The following SFMBT2 variants were observed in gnomAD, a reference collection of about 807,000 sequenced individuals.
SFMBT2 encodes scm-like with four MBT domains protein 2.
A neutral mutation model predicts 110.1 loss-of-function variants in SFMBT2; 38 were observed. The observed-to-expected ratio is 0.35, with a 90% confidence interval of 0.27 to 0.45. The LOEUF (loss-of-function observed/expected upper bound fraction) is 0.45, where lower values mean the gene tolerates loss of function less well. SFMBT2 is among the 20% of genes least tolerant of loss of function. The pLI is 1.00. For synonymous variants in SFMBT2, 425 were observed against 425.4 expected, an observed-to-expected ratio of 1.00 and a Z score of 0.01; for missense variants, 1,011 against 1,094.9, an observed-to-expected ratio of 0.92 and a Z score of 1.08.
chr10:7,253,358 G>A (rs941307892), intron 7 of SFMBT2, among the ~76,000 whole-genome samples: 1 of 152,172 alleles, frequency 6.6e-6, no homozygotes, highest in Non-Finnish European at 1.5e-5. Flanking sequence ...TCAAAGTGGA[G>A]GCATCTTATG....
rs1837849424 is a variant in SFMBT2 at position 7,170,721 on chromosome 10, G to A, written c.2544+207C>T. Among the ~76,000 whole-genome samples the A allele has an allele frequency of 6.6e-6, 1 of 152,156 alleles. No homozygotes were observed. Among genetic ancestry groups the A allele is most frequent in the African/African-American group, 2.4e-5 (1 of 41,454 alleles). On this transcript the variant is annotated intron_variant, in intron 20 of 20. Transcript: ENST00000397167. The surrounding 1 kb of genome is among the most constrained non-coding windows in gnomAD (Gnocchi z 4.6). ...CCCCACCATGGCACTGGTGGGGCCT[G>A]AGAGGAGCAGGAATGAGGCTCTGTC...
In SFMBT2 at chr10:7,408,384, C is replaced by G. The variant is rs907277577; in HGVS notation, c.-52+2477G>C. Among the ~76,000 whole-genome samples, 2 of 152,272 alleles carry G rather than the reference C, an allele frequency of 1.3e-5. No individual in the cohort carries two copies. Among genetic ancestry groups the G allele is most frequent in the African/African-American group, 4.8e-5 (2 of 41,472 alleles). The stretch of plus-strand genomic sequence containing the variant: ...GCTCCCGGCCCCCACCCACTGACAG[C>G]ACGGCGTCCGAGTGACCCTGTCTAG... On this transcript the variant is annotated intron_variant, in intron 1 of 20. Coordinates refer to ENST00000397167, the MANE Select transcript of SFMBT2 (RefSeq NM_001387889.1). The surrounding 1 kb of genome is among the most constrained non-coding windows in gnomAD (Gnocchi z 5.7).
At chr10:7,392,948 CCTGT>C (rs1373130670) in intron 1 of SFMBT2, among the ~76,000 whole-genome samples, 1 of 127,824 alleles carries the variant, frequency 7.8e-6, no homozygotes, top group African/African-American at 2.8e-5. Context: ...ATGTTTATAT[CCTGT>C]CTATCCTATA....
chr10:7,357,111 G>T (rs1221904655), intron 4 of SFMBT2, among the ~76,000 whole-genome samples: 1 of 152,232 alleles, frequency 6.6e-6, no homozygotes, highest in Non-Finnish European at 1.5e-5. Context: ...GGGCAAAGTA[G>T]CACAGTGATT....
Position 7,267,572 on chromosome 10 carries a change from T to C in SFMBT2, c.870+9320A>G, listed in dbSNP as rs188651917. Among the ~76,000 whole-genome samples, 578 of 152,226 alleles carry C rather than the reference T, an allele frequency of 3.8e-3. 1 individual carries two copies. Among genetic ancestry groups the C allele is most frequent in the South Asian group, 8.7e-3 (42 of 4,828 alleles). On this transcript the variant is annotated intron_variant, in intron 7 of 20. Transcript: ENST00000397167. ...AAGTGACTTCTGGCTAATTTTTGCA[T>C]TTTTAGTAGAGATGTGGTTTCACCA...
chr10:7,376,894 G>A (rs1845237151), intron 2 of SFMBT2, among the ~76,000 whole-genome samples: 3 of 147,578 alleles, frequency 2.0e-5, no homozygotes, highest in South Asian at 2.1e-4. Flanking sequence ...ACACCCGGCC[G>A]AGTGTGGTGG....
At chr10:7,249,783 C>G (rs1235649531) in intron 7 of SFMBT2, among the ~76,000 whole-genome samples, 1 of 152,152 alleles carries the variant, frequency 6.6e-6, no homozygotes, top group African/African-American at 2.4e-5. Context: ...ACCAGTGCAC[C>G]GAGTTGCCAA....
At chr10:7,192,905 A>G (rs932156978) in intron 15 of SFMBT2, among the ~76,000 whole-genome samples, 3 of 152,002 alleles carry the variant, frequency 2.0e-5, no homozygotes, top group Non-Finnish European at 4.4e-5. Context: ...CAGTCTTTGG[A>G]CCTCAGCTGA....
intron 1 of SFMBT2, among the ~76,000 whole-genome samples, chr10:7,401,246 T>G (rs1352895297): frequency 1.3e-5 from 2 of 152,092 alleles, no homozygotes; most frequent in Non-Finnish European, 2.9e-5. Context: ...TTTCATTAGG[T>G]CAATGGGAAA....
At chr10:7,189,523 A>C (rs1315879366) in intron 15 of SFMBT2, among the ~76,000 whole-genome samples, 1 of 152,166 alleles carries the variant, frequency 6.6e-6, no homozygotes, top group African/African-American at 2.4e-5. Context: ...CAAAAAGCAA[A>C]TCATCATTAA....
intron 6 of SFMBT2, among the ~76,000 whole-genome samples, chr10:7,280,115 C>T (rs1841907784): frequency 1.3e-5 from 2 of 152,174 alleles, no homozygotes; most frequent in South Asian, 2.1e-4. Flanking sequence ...TGTGAGGACA[C>T]AGTCAGAAGG....
intron 8 of SFMBT2, among the ~76,000 whole-genome samples, chr10:7,244,492 A>G (rs1487284150): frequency 6.6e-6 from 1 of 152,234 alleles, no homozygotes; most frequent in East Asian, 1.9e-4. Flanking sequence ...AAATGCATAG[A>G]AAGTGCTTTG....
At chr10:7,380,649 C>T (rs998015967) in intron 2 of SFMBT2, among the ~76,000 whole-genome samples, 2 of 112,212 alleles carry the variant, frequency 1.8e-5, no homozygotes, top group African/African-American at 2.9e-5. Flanking sequence ...ATAAACAATG[C>T]AACCCTTTTT....
chr10:7,231,853 G>T (rs986206126), intron 9 of SFMBT2, among the ~76,000 whole-genome samples: 1 of 152,170 alleles, frequency 6.6e-6, no homozygotes, highest in African/African-American at 2.4e-5. Context: ...TTGTAAGGCA[G>T]TTTTGTGACA....
intron 15 of SFMBT2, among the ~76,000 whole-genome samples, chr10:7,193,026 C>T (rs1012168163): frequency 6.6e-6 from 1 of 152,156 alleles, no homozygotes; most frequent in Non-Finnish European, 1.5e-5. Flanking sequence ...GCCAGGCTTC[C>T]TGGGGCTTTC....
At position 7,163,241 on chromosome 10, in the gene SFMBT2, G is replaced by A. The variant is rs1837598681; in HGVS notation, c.*529C>T. The A allele has an allele frequency of 1.3e-5, 2 of 154,758 alleles. No homozygotes were observed. The highest frequency in any genetic ancestry group is 1.3e-4 in the Admixed American group (2 of 15,682). 9.6% of individuals were successfully genotyped at this position (154,758 alleles called of 1,614,324 possible). A position where few individuals can be genotyped will look rare whatever the true frequency, so the allele number is the denominator to read the frequency against. ...AACAGAGGACAGAGCTTTAGCACAT[G>A]TTTTTATAAGGATGTCGCTGCCAGC... On this transcript the variant is annotated 3_prime_UTR_variant, in exon 21 of 21. Coordinates refer to ENST00000397167, the MANE Select transcript of SFMBT2 (RefSeq NM_001387889.1). The surrounding 1 kb of genome is among the most constrained non-coding windows in gnomAD (Gnocchi z 4.8).
intron 8 of SFMBT2, among the ~76,000 whole-genome samples, chr10:7,247,071 T>G (rs895904682): frequency 1.3e-5 from 2 of 152,220 alleles, no homozygotes; most frequent in African/African-American, 4.8e-5. Flanking sequence ...GCCAATATAT[T>G]TTTCTTTAAA....
At chr10:7,216,176 A>G (rs1223906802) in intron 11 of SFMBT2, among the ~76,000 whole-genome samples, 1 of 152,204 alleles carries the variant, frequency 6.6e-6, no homozygotes, top group African/African-American at 2.4e-5. Context: ...CTGTGACTGC[A>G]GCCGACCCCG....
chr10:7,249,705 A>G (rs1413052194), intron 7 of SFMBT2: 1 of 212,466 alleles, frequency 4.7e-6, no homozygotes. Context: ...CAAAGCCCCC[A>G]AAAGCTGGTC....
Sources: allele counts gnomAD v4.1 joint callset (sites outside exome capture counted in the v4.1 genomes callset), GRCh38; gene constraint gnomAD v4.1.1; non-coding constraint Gnocchi (gnomAD v3.1); transcripts MANE v1.5; gene names NCBI Gene and HGNC (gene_info 2026-07-23, HGNC 2026-07-21).